The following ANO6 variants were observed in gnomAD, a reference collection of about 807,000 sequenced individuals.
The protein encoded by ANO6 is anoctamin 6.
Under a neutral mutation model 117.5 loss-of-function variants are expected in ANO6, and 106 were observed. That is an observed-to-expected ratio of 0.90 (90% CI 0.77 to 1.06). The LOEUF (loss-of-function observed/expected upper bound fraction) is 1.06, where lower values mean the gene tolerates loss of function less well. Ranked by LOEUF, ANO6 falls within the 50% of genes least tolerant of loss-of-function variation. The pLI is 0.00. For synonymous variants in ANO6, 367 were observed against 385.1 expected, an observed-to-expected ratio of 0.95 and a Z score of 0.55; for missense variants, 955 against 1,121.1, an observed-to-expected ratio of 0.85 and a Z score of 2.12.
At chr12:45,432,450 C>A, downstream of ANO6, 1 of 379,464 alleles carries the variant, frequency 2.6e-6, no homozygotes, top group Non-Finnish European at 3.6e-6. Flanking sequence ...TAAATGTGTG[C>A]TTTTGTGTAG....
At position 45,403,091 on chromosome 12, in the gene ANO6, T is replaced by A. The variant is rs144322466; in HGVS notation, c.1632T>A (p.Thr544=). The change falls in exon 14 of 20, where the codon ACT becomes ACA. Residue 544 remains threonine (T), a synonymous_variant. Coordinates refer to ENST00000320560, the MANE Select transcript of ANO6 (RefSeq NM_001025356.3). ...CTACAGAACTCCCAAGGACCCAGAC[T>A]GATTATGAGAACAGCCTCACCATGA... The part of the protein sequence containing the change: ...ITNFELPRTQ[T]DYENSLTMKM... 6.2e-6 allele frequency: 10 copies of A among 1,613,872 alleles called. No individual in the cohort carries two copies. Among genetic ancestry groups the A allele is most frequent in the Non-Finnish European group, 7.6e-6 (9 of 1,179,932 alleles).
chr12:45,245,355 T>A (rs1463439650), intron 1 of ANO6, among the ~76,000 whole-genome samples: 1 of 152,010 alleles, frequency 6.6e-6, no homozygotes, highest in Admixed American at 6.6e-5. Context: ...TATTAATAAT[T>A]GTTAATATAA....
intron 1 of ANO6, among the ~76,000 whole-genome samples, chr12:45,238,294 G>A (rs1467347603): frequency 1.3e-5 from 2 of 151,938 alleles, no homozygotes; most frequent in Middle Eastern, 3.4e-3. Flanking sequence ...GGGATTACAG[G>A]CACCTGCCAG....
intron 1 of ANO6, among the ~76,000 whole-genome samples, chr12:45,298,984 A>G (rs949710941): frequency 7.3e-6 from 1 of 137,278 alleles, no homozygotes; most frequent in Non-Finnish European, 1.6e-5. Flanking sequence ...ATACTGGTGT[A>G]AAAAAAAAAA....
intron 2 of ANO6, among the ~76,000 whole-genome samples, chr12:45,317,136 T>TATATATA (rs1940070455): frequency 8.3e-5 from 9 of 108,958 alleles, no homozygotes; most frequent in African/African-American, 1.5e-4. Flanking sequence ...TATATATTTA[T>TATATATA]TATACTTTAA....
chr12:45,287,805 A>G (rs910572718), intron 1 of ANO6, among the ~76,000 whole-genome samples: 1 of 152,172 alleles, frequency 6.6e-6, no homozygotes, highest in Admixed American at 6.5e-5. Flanking sequence ...TCTTCTGTTC[A>G]TTGTGGAAAA....
At chr12:45,418,912 T>C (rs1250451035) in intron 17 of ANO6, among the ~76,000 whole-genome samples, 2 of 152,250 alleles carry the variant, frequency 1.3e-5, no homozygotes, top group East Asian at 1.9e-4. Flanking sequence ...ATGGCAGTTA[T>C]ACATCCACAT....
intron 1 of ANO6, among the ~76,000 whole-genome samples, chr12:45,252,744 G>A (rs1937669652): frequency 6.6e-6 from 1 of 152,178 alleles, no homozygotes; most frequent in Non-Finnish European, 1.5e-5. Flanking sequence ...AGGTATTAGG[G>A]AGAACAGCAT....
chr12:45,368,994 T>G (rs946365920), intron 9 of ANO6, among the ~76,000 whole-genome samples: 1 of 152,184 alleles, frequency 6.6e-6, no homozygotes, highest in African/African-American at 2.4e-5. Flanking sequence ...AGTCAGAAAT[T>G]TATAAGAAAT....
chr12:45,248,336 G>A (rs1947854468), intron 1 of ANO6, among the ~76,000 whole-genome samples: 1 of 151,794 alleles, frequency 6.6e-6, no homozygotes, highest in South Asian at 2.1e-4. Context: ...ACTCAGTTAA[G>A]CTTTCTGCCA....
intron 4 of ANO6, 56 bp from the exon 5 acceptor site, chr12:45,347,972 T>G: frequency 3.2e-6 from 5 of 1,554,014 alleles, no homozygotes; most frequent in Non-Finnish European, 4.4e-6. Flanking sequence ...TCTATGTGTT[T>G]TAAAATTGTG....
chr12:45,377,492 A>C (rs1456131971), intron 9 of ANO6, among the ~76,000 whole-genome samples: 4 of 152,226 alleles, frequency 2.6e-5, no homozygotes, highest in South Asian at 2.1e-4. Context: ...AGCATCTGTC[A>C]GTGATGGTAG....
At chr12:45,397,552 A>G (rs1483714109) in intron 12 of ANO6, among the ~76,000 whole-genome samples, 1 of 152,232 alleles carries the variant, frequency 6.6e-6, no homozygotes, top group Admixed American at 6.5e-5. Flanking sequence ...TTATTGCAGC[A>G]CTATTCACAA....
chr12:45,429,322 TTC>T lies in ANO6; in HGVS notation c.*13_*14del. ...CCAAAATCAGAATAAGAGCTTTATG[TTC>T]TGAGAAGCACTTTAAGGAATTTAGC... is the stretch of plus-strand genomic sequence containing the variant. On this transcript the variant is annotated 3_prime_UTR_variant, in exon 20 of 20. Coordinates refer to ENST00000320560, the MANE Select transcript of ANO6 (RefSeq NM_001025356.3). The T allele has an allele frequency of 6.2e-7, 1 of 1,612,302 alleles. No homozygotes were observed. Among genetic ancestry groups the T allele is most frequent in the East Asian group, 2.2e-5 (1 of 44,706 alleles).
intron 11 of ANO6, 79 bp from the exon 12 acceptor site, chr12:45,390,341 AT>A (rs1942410596): frequency 1.8e-6 from 2 of 1,138,340 alleles, no homozygotes; most frequent in Non-Finnish European, 1.3e-6. Flanking sequence ...TAATTCTAAG[AT>A]TTATTGGCGA....
At chr12:45,220,479 C>G (rs918022149) in intron 1 of ANO6, among the ~76,000 whole-genome samples, 77 of 152,212 alleles carry the variant, frequency 5.1e-4, no homozygotes, top group African/African-American at 1.6e-3. Flanking sequence ...AAATCTGATA[C>G]TAGCCCCAGT....
rs757999588 is a variant in ANO6, at chr12:45,216,337, A to G, written c.16A>G (p.Arg6Gly). 5.0e-6 allele frequency: 8 copies of G among 1,612,724 alleles called. No individual in the cohort carries two copies. The South Asian group carries it at 8.8e-5, about 18-fold the overall frequency. Residue 6 changes from arginine (R) to glycine (G), a missense_variant, in exon 1 of 20, where the codon AGG becomes GGG. Coordinates refer to ENST00000320560, the MANE Select transcript of ANO6 (RefSeq NM_001025356.3). MKKMS[R>G]NVLLQMEEEE... ...TGAGGGAGACATGAAAAAGATGAGC[A>G]GGAATGTTTTGCTACAAATGGAGGA... is the stretch of plus-strand genomic sequence containing the variant.
chr12:45,345,539 G>T (rs114957704), intron 3 of ANO6, among the ~76,000 whole-genome samples: 1 of 152,130 alleles, frequency 6.6e-6, no homozygotes, highest in South Asian at 2.1e-4. Context: ...TCCACCCAGC[G>T]TTTTCAGCTG....
chr12:45,344,238 G>T (rs541910350), intron 3 of ANO6, among the ~76,000 whole-genome samples: 60 of 152,288 alleles, frequency 3.9e-4, no homozygotes, highest in Non-Finnish European at 5.7e-4. Context: ...CCAGTACTTT[G>T]CAGGATGCCT....
Sources: gnomAD v4.1 joint callset for allele counts (sites outside exome capture counted in the v4.1 genomes callset) on GRCh38, gnomAD v4.1.1 for gene constraint, MANE v1.5 for transcripts, NCBI Gene and HGNC (gene_info 2026-07-23, HGNC 2026-07-21) for gene names.